Variants in TTC39B observed in about 807,000 individuals in gnomAD.
TTC39B encodes the protein tetratricopeptide repeat protein 39B.
TTC39B carries 92 observed loss-of-function variants against 96.6 expected under a neutral mutation model. That is an observed-to-expected ratio of 0.95 (90% CI 0.80 to 1.13). The LOEUF is 1.13. Among genes scored for constraint, TTC39B ranks in the 50% most tolerant of loss-of-function variants. The pLI, the probability that TTC39B is intolerant of heterozygous loss-of-function variation, is 0.00. For synonymous variants in TTC39B, 367 were observed against 299.4 expected (o/e 1.23, Z -2.33); for missense variants, 955 against 809.3 (o/e 1.18, Z -2.18).
At chr9:15,176,515 G>A (rs1393234561) in intron 18 of TTC39B, among the ~76,000 whole-genome samples, 1 of 152,176 alleles carries the variant, frequency 6.6e-6, no homozygotes, top group Admixed American at 6.5e-5. Flanking sequence ...GGTGGCCACG[G>A]ATGGAAAGGC....
exon 20 of TTC39B, chr9:15,170,614 T>C (rs1262409354): frequency 6.6e-6 from 1 of 152,198 alleles, no homozygotes; most frequent in Non-Finnish European, 1.5e-5. Context: ...GTACTCCGTG[T>C]CATGGAACTA....
chr9:15,224,011 T>G (rs1164509156), intron 3 of TTC39B, among the ~76,000 whole-genome samples: 1 of 152,188 alleles, frequency 6.6e-6, no homozygotes, highest in African/African-American at 2.4e-5. Context: ...CTCAGAAATA[T>G]ACACAAATCT....
chr9:15,272,796 C>T (rs1025462365), intron 1 of TTC39B, among the ~76,000 whole-genome samples: 2 of 152,190 alleles, frequency 1.3e-5, no homozygotes, highest in Non-Finnish European at 2.9e-5. Flanking sequence ...GCTGAGCACC[C>T]TTGTCTGGAG....
At chr9:15,236,612 T>C (rs186372397) in intron 2 of TTC39B, among the ~76,000 whole-genome samples, 1 of 152,300 alleles carries the variant, frequency 6.6e-6, no homozygotes, top group African/African-American at 2.4e-5. Flanking sequence ...ATGAAAATCA[T>C]ATCAAGTATT....
chr9:15,249,392 T>C (rs990414531), intron 2 of TTC39B: 2 of 152,242 alleles, frequency 1.3e-5, no homozygotes, highest in Admixed American at 1.3e-4. Context: ...AGGTCAGAGG[T>C]GAGAGTCTAG....
intron 2 of TTC39B, among the ~76,000 whole-genome samples, chr9:15,242,584 AAAAGAAAG>A (rs370591198): frequency 6.6e-5 from 10 of 152,126 alleles, no homozygotes; most frequent in South Asian, 2.1e-4. Flanking sequence ...CCCTATCTCA[AAAAGAAAG>A]AAAGAAAGAA....
At chr9:15,242,072 T>C (rs1822068405) in intron 2 of TTC39B, among the ~76,000 whole-genome samples, 1 of 151,932 alleles carries the variant, frequency 6.6e-6, no homozygotes, top group Admixed American at 6.6e-5. Flanking sequence ...AAAAATATAA[T>C]TATCTCTTAA....
rs1818051485 is a variant in TTC39B, at chr9:15,178,068, A to C, written c.1724-254T>G. The stretch of plus-strand genomic sequence containing the variant: ...GTATTTTTAGTAGAGATGGGGTTTC[A>C]CCGTGTTAGCCAGGATGGTCTCGAT... On this transcript the variant is annotated intron_variant, in intron 17 of 19. Transcript: ENST00000512701. 2.6e-5 allele frequency among the ~76,000 whole-genome samples: 4 copies of C among 151,838 alleles called. No homozygotes were observed. In the East Asian group the frequency reaches 5.9e-4, roughly 22 times the overall value.
At chr9:15,199,150 A>G (rs542946975) in intron 8 of TTC39B, among the ~76,000 whole-genome samples, 6 of 152,238 alleles carry the variant, frequency 3.9e-5, no homozygotes, top group African/African-American at 9.6e-5. Context: ...ATAAAAATCA[A>G]TAAGGATATG....
At chr9:15,251,031 A>G (rs1822513008) in intron 2 of TTC39B, among the ~76,000 whole-genome samples, 2 of 151,816 alleles carry the variant, frequency 1.3e-5, no homozygotes, top group South Asian at 4.2e-4. Context: ...CCCCATCTCT[A>G]CTAAAAATAC....
At chr9:15,195,814 G>T (rs1819133411) in intron 8 of TTC39B, among the ~76,000 whole-genome samples, 1 of 152,134 alleles carries the variant, frequency 6.6e-6, no homozygotes, top group Non-Finnish European at 1.5e-5. Context: ...AGACAAAATG[G>T]CCTTCTATTG....
chr9:15,238,237 A>G (rs1486823817), intron 2 of TTC39B, among the ~76,000 whole-genome samples: 1 of 152,206 alleles, frequency 6.6e-6, no homozygotes, highest in Non-Finnish European at 1.5e-5. Context: ...CTCTTATTCA[A>G]CATAATACTG....
intron 1 of TTC39B, among the ~76,000 whole-genome samples, chr9:15,292,934 G>A (rs1230175986): frequency 6.6e-6 from 1 of 152,190 alleles, no homozygotes; most frequent in Non-Finnish European, 1.5e-5. Flanking sequence ...TAAATGTGGT[G>A]CAGCTTAAGT....
rs147782231 is a variant in TTC39B at position 15,214,783 on chromosome 9, A to G, written c.372-534T>C. On this transcript the variant is annotated intron_variant, in intron 3 of 19. Coordinates refer to ENST00000512701, the Ensembl canonical transcript of TTC39B. ...ATTAAATAAAATCCTTAACATGTTC[A>G]TTTTTGTATCTATATGAGTCATGAT... Among the ~76,000 whole-genome samples the G allele has an allele frequency of 5.0e-3, 765 of 152,154 alleles. 7 individuals carry two copies. Among genetic ancestry groups the G allele is most frequent in the African/African-American group, 0.018 (728 of 41,420 alleles).
chr9:15,297,483 C>G (rs1436032949), intron 1 of TTC39B, among the ~76,000 whole-genome samples: 1 of 152,110 alleles, frequency 6.6e-6, no homozygotes, highest in Non-Finnish European at 1.5e-5. Flanking sequence ...CCAGGTGGAC[C>G]ACCCTGTGAC....
chr9:15,274,385 C>A (rs1823463117), intron 1 of TTC39B, among the ~76,000 whole-genome samples: 1 of 152,238 alleles, frequency 6.6e-6, no homozygotes, highest in Admixed American at 6.5e-5. Context: ...CTAGTCGCAT[C>A]TTATCTGCAG....
chr9:15,190,120 T>C (rs909347257), intron 11 of TTC39B, among the ~76,000 whole-genome samples: 1 of 152,104 alleles, frequency 6.6e-6, no homozygotes, highest in South Asian at 2.1e-4. Flanking sequence ...TATGATAAAA[T>C]AGATCACCTT....
At chr9:15,238,970 G>C (rs1056151685) in intron 2 of TTC39B, among the ~76,000 whole-genome samples, 1 of 152,186 alleles carries the variant, frequency 6.6e-6, no homozygotes, top group Non-Finnish European at 1.5e-5. Context: ...AGGTGACAGA[G>C]TGAGACCCTG....
At chr9:15,299,159 C>T (rs1322973834) in intron 1 of TTC39B, among the ~76,000 whole-genome samples, 1 of 152,178 alleles carries the variant, frequency 6.6e-6, no homozygotes, top group Non-Finnish European at 1.5e-5. Context: ...CAGCACCTAA[C>T]ACAATACTCA....
Sources: gnomAD v4.1 joint callset for allele counts (sites outside exome capture counted in the v4.1 genomes callset) on GRCh38, gnomAD v4.1.1 for gene constraint, MANE v1.5 for transcripts, NCBI Gene and HGNC (gene_info 2026-07-23, HGNC 2026-07-21) for gene names.